PRKN: variants seen among roughly 807,000 people sequenced by gnomAD.
PRKN encodes parkin RBR E3 ubiquitin protein ligase, also known as E3 ubiquitin-protein ligase parkin.
In PRKN, 56 loss-of-function variants were observed where a neutral mutation model predicts 59.5. The ratio of observed to expected loss-of-function variants is 0.94; its 90% CI spans 0.76 to 1.18. The LOEUF (loss-of-function observed/expected upper bound fraction) is 1.18. PRKN is among the 50% of genes most tolerant of loss of function. PRKN has a pLI of 0.00. For synonymous variants in PRKN, 250 were observed against 222.1 expected (o/e 1.13, Z -1.12); for missense variants, 657 against 596.4 (o/e 1.10, Z -1.06).
chr6:161,869,910 C>T (rs1331151206), intron 6 of PRKN, among the ~76,000 whole-genome samples: 2 of 152,182 alleles, frequency 1.3e-5, no homozygotes, highest in Non-Finnish European at 2.9e-5. Flanking sequence ...ATAATCTACA[C>T]AGGTTTAATT....
intron 2 of PRKN, among the ~76,000 whole-genome samples, chr6:162,417,626 C>A (rs1028386033): frequency 1.3e-4 from 20 of 152,192 alleles, no homozygotes; most frequent in African/African-American, 4.8e-4. Flanking sequence ...AGATGGTACC[C>A]TTTGAAATTA....
intron 2 of PRKN, among the ~76,000 whole-genome samples, chr6:162,388,226 A>G (rs1279978883): frequency 6.6e-6 from 1 of 152,124 alleles, no homozygotes; most frequent in East Asian, 1.9e-4. Flanking sequence ...GTGTGGGGCT[A>G]GGCCGAGGAA....
intron 5 of PRKN, among the ~76,000 whole-genome samples, chr6:162,009,573 T>C (rs949780701): frequency 6.6e-6 from 1 of 151,856 alleles, no homozygotes; most frequent in Non-Finnish European, 1.5e-5. Flanking sequence ...CGGAGGTTTT[T>C]TGTAACCTTT....
At chr6:161,553,348 T>G (rs1478167653) in intron 8 of PRKN, among the ~76,000 whole-genome samples, 1 of 150,736 alleles carries the variant, frequency 6.6e-6, no homozygotes, top group African/African-American at 2.4e-5. Flanking sequence ...CCTTCTTTCC[T>G]CTCTCCCTAC....
At position 161,463,992 on chromosome 6, in the gene PRKN, C is replaced by T. The variant is rs1052046268; in HGVS notation, c.1084-77115G>A. Among the ~76,000 whole-genome samples, 3 of 151,994 alleles carry T rather than the reference C, an allele frequency of 2.0e-5. No homozygotes were observed. The highest frequency in any genetic ancestry group is 2.1e-4 in the South Asian group (1 of 4,814). On this transcript the variant is annotated intron_variant, in intron 9 of 11. Transcript: ENST00000366898. This position sits in a 1 kb window ranked among gnomAD's most constrained non-coding sequence, Gnocchi z 4.8. Reference sequence around the variant, plus strand: ...TTTTTGTTTTTTTGAGAAGGAGTTTCGCTCTTGTTGCCCAGGCTGAAGTGC... The same window carrying T: ...TTTTTGTTTTTTTGAGAAGGAGTTTTGCTCTTGTTGCCCAGGCTGAAGTGC...
intron 6 of PRKN, among the ~76,000 whole-genome samples, chr6:161,826,528 G>T (rs1792251805): frequency 6.6e-6 from 1 of 152,088 alleles, no homozygotes. Context: ...TTCTATTTGT[G>T]GACGTCTGCA....
At chr6:162,231,765 C>T (rs558978768) in intron 3 of PRKN, among the ~76,000 whole-genome samples, 1 of 152,226 alleles carries the variant, frequency 6.6e-6, no homozygotes, top group Non-Finnish European at 1.5e-5. Flanking sequence ...ATCAGGAAGC[C>T]TAATTTAACC....
In PRKN at chr6:161,548,974, C is replaced by A. The variant is rs767703008; in HGVS notation, c.963G>T (p.Glu321Asp). 1.2e-6 allele frequency: 2 copies of A among 1,614,204 alleles called. No individual in the cohort carries two copies. The highest frequency in any genetic ancestry group is 1.7e-6 in the Non-Finnish European group (2 of 1,180,028). ...CGCCCCCCATCTGCAGGACACACTC[C>A]TCTGCACCATACTGCTGGTACCGGT... ...QYNRYQQYGA[E>D]ECVLQMGGVL... The change falls in exon 9 of 12, where the codon GAG becomes GAT. Residue 321 changes from glutamate (E) to aspartate (D), a missense_variant. Glu to Asp is a conservative substitution (Grantham distance 45). Coordinates refer to ENST00000366898, the MANE Select transcript of PRKN (RefSeq NM_004562.3). The surrounding 1 kb of genome is among the most constrained non-coding windows in gnomAD (Gnocchi z 4.2).
chr6:162,268,219 T>C (rs1441164162), intron 2 of PRKN, among the ~76,000 whole-genome samples: 3 of 152,234 alleles, frequency 2.0e-5, no homozygotes, highest in African/African-American at 7.2e-5. Context: ...AAAATTTATT[T>C]GTTTCAACTT....
At chr6:161,496,620 C>T (rs1316187243) in intron 9 of PRKN, among the ~76,000 whole-genome samples, 1 of 152,192 alleles carries the variant, frequency 6.6e-6, no homozygotes, top group Non-Finnish European at 1.5e-5. Context: ...GAAAGCCACC[C>T]CCATGATTCA....
At chr6:162,724,551 T>C (rs1033566607) in intron 1 of PRKN, among the ~76,000 whole-genome samples, 1 of 152,158 alleles carries the variant, frequency 6.6e-6, no homozygotes, top group African/African-American at 2.4e-5. Context: ...TGGCAGAATA[T>C]TATTCGCAGT....
chr6:162,495,943 C>A (rs911864050), intron 1 of PRKN, among the ~76,000 whole-genome samples: 3 of 152,166 alleles, frequency 2.0e-5, no homozygotes, highest in Non-Finnish European at 4.4e-5. Flanking sequence ...ACTATACTAT[C>A]TTTCACTATA....
intron 1 of PRKN, among the ~76,000 whole-genome samples, chr6:162,595,601 TG>T (rs1488134790): frequency 3.9e-5 from 6 of 152,280 alleles, no homozygotes; most frequent in Non-Finnish European, 7.4e-5. Flanking sequence ...TTACAGTTAT[TG>T]TTTTTTTTTA....
chr6:161,442,738 G>T lies in PRKN; in HGVS notation c.1084-55861C>A, dbSNP rs9458255. Among the ~76,000 whole-genome samples the T allele has an allele frequency of 1.3e-5, 2 of 152,290 alleles. No individual in the cohort carries two copies. Among genetic ancestry groups the T allele is most frequent in the East Asian group, 3.9e-4 (2 of 5,182 alleles). Reference sequence around the variant, plus strand: ...CCCATGAATGCTTTTCAACGAAGTTGCTAGAATGCAGCCGTGGAGACGAAC... The same window carrying T: ...CCCATGAATGCTTTTCAACGAAGTTTCTAGAATGCAGCCGTGGAGACGAAC... On this transcript the variant is annotated intron_variant, in intron 9 of 11. Transcript: ENST00000366898. The surrounding 1 kb of genome is among the most constrained non-coding windows in gnomAD (Gnocchi z 4.6).
At chr6:161,896,119 T>C (rs185243327) in intron 6 of PRKN, among the ~76,000 whole-genome samples, 11 of 152,296 alleles carry the variant, frequency 7.2e-5, no homozygotes, top group African/African-American at 2.4e-5. Flanking sequence ...AGAGAAAATA[T>C]AGCTGTCAGG....
intron 4 of PRKN, among the ~76,000 whole-genome samples, chr6:162,139,515 G>A (rs1178415034): frequency 1.3e-5 from 2 of 152,066 alleles, no homozygotes; most frequent in African/African-American, 4.8e-5. Context: ...CCACTGCAGG[G>A]TAAAGAGAAT....
At chr6:161,420,211 G>A (rs1788031080) in intron 9 of PRKN, among the ~76,000 whole-genome samples, 1 of 146,054 alleles carries the variant, frequency 6.8e-6, no homozygotes, top group African/African-American at 2.6e-5. Flanking sequence ...CTGCACTCCA[G>A]CCAGAGCGAC....
chr6:162,691,903 T>C (rs1777787976), intron 1 of PRKN, among the ~76,000 whole-genome samples: 1 of 152,160 alleles, frequency 6.6e-6, no homozygotes, highest in Non-Finnish European at 1.5e-5. Flanking sequence ...TATTTCAATG[T>C]TACTCTTGTT....
At chr6:162,436,870 T>A (rs2128165144) in intron 2 of PRKN, among the ~76,000 whole-genome samples, 2 of 151,942 alleles carry the variant, frequency 1.3e-5, no homozygotes, top group South Asian at 4.2e-4. Context: ...GATGAGTGGA[T>A]CACCTGAGGT....
Sources: allele counts gnomAD v4.1 joint callset (sites outside exome capture counted in the v4.1 genomes callset), GRCh38; gene constraint gnomAD v4.1.1; non-coding constraint Gnocchi (gnomAD v3.1); transcripts MANE v1.5; gene names NCBI Gene and HGNC (gene_info 2026-07-23, HGNC 2026-07-21).